The following ZNF804B variants were observed in gnomAD, a reference collection of about 807,000 sequenced individuals.
The protein encoded by ZNF804B is zinc finger 804B.
Under a neutral mutation model 101.4 loss-of-function variants are expected in ZNF804B, and 80 were observed. The observed-to-expected ratio is 0.79, with a 90% CI of 0.66 to 0.95. The LOEUF (loss-of-function observed/expected upper bound fraction) is 0.95, where lower values mean the gene tolerates loss of function less well. Among genes scored for constraint, ZNF804B ranks in the 40% least tolerant of loss-of-function variants. The pLI, the probability that ZNF804B is intolerant of heterozygous loss-of-function variation, is 0.00. For synonymous variants in ZNF804B, 622 were observed against 558.8 expected, an observed-to-expected ratio of 1.11 and a Z score of -1.59; for missense variants, 1,673 against 1,561.9, an observed-to-expected ratio of 1.07 and a Z score of -1.20.
rs1562812904 is a variant in ZNF804B, at chr7:88,854,529, T to TCCTTTCCTTTCCTTTCCTTCCCTTC, written c.108+94449_108+94450insTCCTTTCCTTTCCTTCCCTTCCCTT. Among the ~76,000 whole-genome samples, 11 of 57,920 alleles carry TCCTTTCCTTTCCTTTCCTTCCCTTC rather than the reference T, an allele frequency of 1.9e-4. 1 individual carries two copies. The highest frequency in any genetic ancestry group is 5.8e-4 in the African/African-American group (8 of 13,696). The allele number at this position is 57,920 out of a possible 152,430, so 38.0% of individuals were successfully genotyped here. On this transcript the variant is annotated intron_variant, in intron 1 of 3. Coordinates refer to ENST00000333190, the MANE Select transcript of ZNF804B (RefSeq NM_181646.5). The stretch of plus-strand genomic sequence containing the variant: ...TTCCTTTCCTTTCCTTTCCTTCCTT[T>TCCTTTCCTTTCCTTTCCTTCCCTTC]CCTTCCTTCCTTCCTTCCTTCCTTC...
At chr7:89,160,733 C>T (rs551900999) in intron 1 of ZNF804B, among the ~76,000 whole-genome samples, 1 of 152,174 alleles carries the variant, frequency 6.6e-6, no homozygotes, top group East Asian at 1.9e-4. Context: ...TATTATATCT[C>T]CTAAAATAGT....
chr7:89,122,601 T>G (rs991372950), intron 1 of ZNF804B, among the ~76,000 whole-genome samples: 14 of 152,174 alleles, frequency 9.2e-5, no homozygotes, highest in African/African-American at 3.4e-4. Context: ...CAGTGACCCA[T>G]TAATGCTTCT....
intron 1 of ZNF804B, among the ~76,000 whole-genome samples, chr7:88,831,598 A>G (rs979650709): frequency 9.9e-5 from 15 of 151,962 alleles, no homozygotes; most frequent in African/African-American, 3.6e-4. Context: ...GATGTTTTCA[A>G]TTTGAACTCC....
intron 1 of ZNF804B, among the ~76,000 whole-genome samples, chr7:89,127,213 G>A (rs1358312451): frequency 6.6e-6 from 1 of 151,830 alleles, no homozygotes; most frequent in Non-Finnish European, 1.5e-5. Context: ...CGATATTGAT[G>A]TTCAAGATAT....
chr7:89,289,206 G>A (rs1425814693), intron 2 of ZNF804B, among the ~76,000 whole-genome samples: 1 of 152,104 alleles, frequency 6.6e-6, no homozygotes, highest in South Asian at 2.1e-4. Context: ...TTAAATATTA[G>A]CAAAGTAGTA....
chr7:88,887,811 C>T (rs1278738008), intron 1 of ZNF804B, among the ~76,000 whole-genome samples: 3 of 150,884 alleles, frequency 2.0e-5, no homozygotes, highest in African/African-American at 7.3e-5. Context: ...ACTTTCTGCT[C>T]ATTACTACGA....
chr7:88,899,932 G>A (rs893253028), intron 1 of ZNF804B, among the ~76,000 whole-genome samples: 23 of 152,038 alleles, frequency 1.5e-4, no homozygotes, highest in African/African-American at 5.1e-4. Flanking sequence ...TCATATGTAG[G>A]TTAAAATGCG....
intron 1 of ZNF804B, among the ~76,000 whole-genome samples, chr7:88,866,026 G>C (rs950068726): frequency 1.3e-5 from 2 of 151,994 alleles, no homozygotes. Context: ...ATTGATTTTT[G>C]GTTCAATGTC....
intron 1 of ZNF804B, among the ~76,000 whole-genome samples, chr7:89,124,388 T>C (rs1373462386): frequency 6.6e-6 from 1 of 152,144 alleles, no homozygotes; most frequent in Admixed American, 6.6e-5. Flanking sequence ...AAAAGCATAC[T>C]GATGATCCAT....
chr7:88,983,761 A>T (rs988205879), intron 1 of ZNF804B, among the ~76,000 whole-genome samples: 1 of 152,078 alleles, frequency 6.6e-6, no homozygotes, highest in African/African-American at 2.4e-5. Flanking sequence ...ATAAAATTAT[A>T]TATATGGTTC....
At position 88,830,004 on chromosome 7, in the gene ZNF804B, T is replaced by G. The variant is rs114308546; in HGVS notation, c.108+69920T>G. ...GCTAGTTAAGCTGCTATTTTATCCC[T>G]TGGTTTATGATTTTACAATTTCTTG... On this transcript the variant is annotated intron_variant, in intron 1 of 3. Transcript: ENST00000333190. Among the ~76,000 whole-genome samples the G allele has an allele frequency of 1.7e-3, 258 of 152,278 alleles. 2 individuals are homozygous for G. Among genetic ancestry groups the G allele is most frequent in the African/African-American group, 5.9e-3 (244 of 41,582 alleles).
In ZNF804B at chr7:89,278,400, G is replaced by A. The variant is rs867067061; in HGVS notation, c.250-48944G>A. Among the ~76,000 whole-genome samples the A allele has an allele frequency of 3.5e-3, 532 of 150,180 alleles. 3 individuals are homozygous for A. Among genetic ancestry groups the A allele is most frequent in the African/African-American group, 0.013 (512 of 40,630 alleles). ...TTGGCTTTTGTTGCCATTGCTTTCG[G>A]TGTTTTAGACATGAAGTCCTTGCCC... On this transcript the variant is annotated intron_variant, in intron 2 of 3. Transcript: ENST00000333190.
intron 2 of ZNF804B, among the ~76,000 whole-genome samples, chr7:89,224,915 C>G (rs1789063369): frequency 6.6e-6 from 1 of 152,044 alleles, no homozygotes; most frequent in African/African-American, 2.4e-5. Flanking sequence ...TTTTTGCTCT[C>G]AAGGTTCTCC....
chr7:88,996,963 A>G (rs1369872862), intron 1 of ZNF804B, among the ~76,000 whole-genome samples: 1 of 151,988 alleles, frequency 6.6e-6, no homozygotes, highest in Non-Finnish European at 1.5e-5. Context: ...TTATGTGCGC[A>G]TGGTGTGTAT....
intron 1 of ZNF804B, among the ~76,000 whole-genome samples, chr7:88,922,042 T>C (rs1376047556): frequency 6.6e-6 from 1 of 152,020 alleles, no homozygotes; most frequent in African/African-American, 2.4e-5. Flanking sequence ...GTGGGAACAG[T>C]CGGTAGGGAG....
At chr7:88,935,238 A>G (rs558694249) in intron 1 of ZNF804B, among the ~76,000 whole-genome samples, 2 of 151,902 alleles carry the variant, frequency 1.3e-5, no homozygotes, top group South Asian at 4.2e-4. Flanking sequence ...GAGGATGTGA[A>G]GGCATAAGAA....
At chr7:89,265,308 G>T (rs962480242) in intron 2 of ZNF804B, among the ~76,000 whole-genome samples, 15 of 143,668 alleles carry the variant, frequency 1.0e-4, no homozygotes, top group Admixed American at 8.3e-4. Flanking sequence ...GTGCGCGCGC[G>T]CACACATGCA....
chr7:89,145,914 T>C (rs1790785067), intron 1 of ZNF804B, among the ~76,000 whole-genome samples: 1 of 152,074 alleles, frequency 6.6e-6, no homozygotes, highest in Non-Finnish European at 1.5e-5. Context: ...AGATTTTCTA[T>C]TTATTTTCTC....
At chr7:88,900,099 G>A (rs1385383650) in intron 1 of ZNF804B, among the ~76,000 whole-genome samples, 10 of 151,940 alleles carry the variant, frequency 6.6e-5, no homozygotes, top group Admixed American at 1.3e-4. Context: ...TTGAGATTAC[G>A]AAAAAGATGT....
Sources: allele counts gnomAD v4.1 joint callset (sites outside exome capture counted in the v4.1 genomes callset), GRCh38; gene constraint gnomAD v4.1.1; transcripts MANE v1.5; gene names NCBI Gene and HGNC (gene_info 2026-07-23, HGNC 2026-07-21).